WASF3: variants seen among roughly 807,000 people sequenced by gnomAD.
WASF3 encodes actin-binding protein WASF3.
A neutral mutation model predicts 46.6 loss-of-function variants in WASF3; 11 were observed. The observed-to-expected ratio is 0.24, with a 90% confidence interval of 0.15 to 0.39. The LOEUF is 0.39. Ranked by LOEUF, WASF3 falls within the 10% of genes least tolerant of loss-of-function variation. The pLI is 1.00. For synonymous variants in WASF3, 242 were observed against 259.7 expected (o/e 0.93, Z 0.65); for missense variants, 576 against 669.8 (o/e 0.86, Z 1.55).
chr13:26,644,328 G>A (rs1159267588), intron 3 of WASF3, among the ~76,000 whole-genome samples: 1 of 152,210 alleles, frequency 6.6e-6, no homozygotes, highest in Non-Finnish European at 1.5e-5. Context: ...GTTATTTTAA[G>A]CTGTTATGTT....
Position 26,577,506 on chromosome 13 carries a change from A to G in WASF3, c.-109+19687A>G, listed in dbSNP as rs1419520864. 3 of 1,273,356 alleles carry G rather than the reference A, an allele frequency of 2.4e-6. No homozygotes were observed. The South Asian group carries it at 3.6e-5, about 15-fold the overall frequency. The allele number at this position is 1,273,356 out of a possible 1,614,324, so 78.9% of individuals were successfully genotyped here. Reference sequence around the variant, plus strand: ...ACTTGCCAATCCATTTATCCTCTCCATGATGTCTTCGTTAGAAAAGTAAAA... The same window carrying G: ...ACTTGCCAATCCATTTATCCTCTCCGTGATGTCTTCGTTAGAAAAGTAAAA... On this transcript the variant is annotated intron_variant, in intron 1 of 9. Coordinates refer to ENST00000335327, the MANE Select transcript of WASF3 (RefSeq NM_006646.6).
chr13:26,607,654 CA>C (rs1276032746), intron 1 of WASF3, among the ~76,000 whole-genome samples: 1 of 149,976 alleles, frequency 6.7e-6, no homozygotes, highest in Admixed American at 6.6e-5. Flanking sequence ...TTTTTTGAAA[CA>C]GGGTCTTGCT....
At chr13:26,582,118 A>G (rs959484707) in intron 1 of WASF3, among the ~76,000 whole-genome samples, 5 of 152,182 alleles carry the variant, frequency 3.3e-5, no homozygotes, top group Non-Finnish European at 5.9e-5. Context: ...TTCACTTCCA[A>G]TAAATGTTAT....
At chr13:26,646,556 C>T (rs1366917922) in intron 3 of WASF3, among the ~76,000 whole-genome samples, 1 of 152,182 alleles carries the variant, frequency 6.6e-6, no homozygotes, top group Non-Finnish European at 1.5e-5. Flanking sequence ...CCCTTACCTC[C>T]ACTCCCCACA....
intron 2 of WASF3, among the ~76,000 whole-genome samples, chr13:26,614,148 A>G (rs994894256): frequency 6.6e-6 from 1 of 152,232 alleles, no homozygotes; most frequent in African/African-American, 2.4e-5. Flanking sequence ...GAAAGAGAAC[A>G]TAAGGTAGAA....
chr13:26,606,356 G>C (rs867624810), intron 1 of WASF3, among the ~76,000 whole-genome samples: 2 of 121,838 alleles, frequency 1.6e-5, no homozygotes, highest in East Asian at 3.2e-4. Flanking sequence ...GTGTGTGTGT[G>C]TGTGTGTGTC....
At position 26,687,362 on chromosome 13, in the gene WASF3, G is replaced by A. The variant is rs1269152199; in HGVS notation, c.*1517G>A. 3.3e-5 allele frequency: 5 copies of A among 152,252 alleles called. No individual in the cohort carries two copies. The allele number at this position is 152,252 out of a possible 1,614,324, so 9.4% of individuals were successfully genotyped here. On this transcript the variant is annotated 3_prime_UTR_variant, in exon 10 of 10. Transcript: ENST00000335327. ...ATGTTTGAGGTGACGGTAGGAATGT[G>A]AGCAGGATGGTGATGGGGGTTTTTG...
At chr13:26,545,756 C>T in the WASF3 span, among the ~76,000 whole-genome samples, 3 of 152,132 alleles carry the variant, frequency 2.0e-5, no homozygotes, top group Admixed American at 6.5e-5. Flanking sequence ...AGGTGCATCA[C>T]CACATGCAGT....
chr13:26,565,739 T>G (rs549305), intron 1 of WASF3, among the ~76,000 whole-genome samples: 125,173 of 152,180 alleles, frequency 0.82, 51,509 homozygotes, highest in East Asian at 0.9. Context: ...GGGAGGAAGA[T>G]TATTAAAAGG....
At chr13:26,550,685 G>A in the WASF3 span, among the ~76,000 whole-genome samples, 7 of 152,162 alleles carry the variant, frequency 4.6e-5, no homozygotes, top group Non-Finnish European at 8.8e-5. Context: ...ATTAAGGCCT[G>A]TGCATATCTT....
At chr13:26,652,219 A>T (rs189091909) in intron 3 of WASF3, among the ~76,000 whole-genome samples, 2 of 152,238 alleles carry the variant, frequency 1.3e-5, no homozygotes, top group African/African-American at 2.4e-5. Flanking sequence ...CCCTGCAAAC[A>T]CAAGTTATAA....
chr13:26,612,284 T>A (rs1881003289), intron 1 of WASF3, among the ~76,000 whole-genome samples: 2 of 152,244 alleles, frequency 1.3e-5, no homozygotes, highest in South Asian at 4.1e-4. Context: ...TAAAATTTTC[T>A]TGTATGTATT....
At chr13:26,561,250 G>T (rs1330317121) in intron 1 of WASF3, among the ~76,000 whole-genome samples, 1 of 152,158 alleles carries the variant, frequency 6.6e-6, no homozygotes, top group Non-Finnish European at 1.5e-5. Context: ...GCCCTTTGGA[G>T]AATGGATTAG....
intron 5 of WASF3, among the ~76,000 whole-genome samples, chr13:26,669,963 C>T (rs182094205): frequency 6.6e-6 from 1 of 152,262 alleles, no homozygotes; most frequent in Admixed American, 6.5e-5. Context: ...CCTCAAGGAT[C>T]TAGAACTAGA....
chr13:26,601,869 T>C (rs770522043), intron 1 of WASF3, among the ~76,000 whole-genome samples: 3 of 152,226 alleles, frequency 2.0e-5, no homozygotes, highest in Admixed American at 6.5e-5. Flanking sequence ...CATACACAAA[T>C]GCAAAGATAT....
At chr13:26,631,992 G>C (rs150581154) in intron 2 of WASF3, among the ~76,000 whole-genome samples, 1 of 152,120 alleles carries the variant, frequency 6.6e-6, no homozygotes, top group African/African-American at 2.4e-5. Flanking sequence ...TTGGTGTATA[G>C]GAATGCTTGT....
Position 26,577,472 on chromosome 13 carries a change from A to T in WASF3, c.-109+19653A>T. On this transcript the variant is annotated intron_variant, in intron 1 of 9. Transcript: ENST00000335327. Reference sequence around the variant, plus strand: ...GATTCCAGACAGCATTGGAAAAGACATAGAAAAGACTTGCCAATCCATTTA... The same window carrying T: ...GATTCCAGACAGCATTGGAAAAGACTTAGAAAAGACTTGCCAATCCATTTA... 6 of 952,744 alleles carry T rather than the reference A, an allele frequency of 6.3e-6. No individual in the cohort carries two copies. In the Admixed American group the frequency reaches 1.0e-4, roughly 16 times the overall value. 59.0% of individuals were successfully genotyped at this position (952,744 alleles called of 1,614,324 possible). A position where few individuals can be genotyped will look rare whatever the true frequency, so the allele number is the denominator to read the frequency against.
chr13:26,545,623 A>G, the WASF3 span, among the ~76,000 whole-genome samples: 3 of 152,146 alleles, frequency 2.0e-5, no homozygotes, highest in African/African-American at 7.2e-5. Context: ...TAATTTTTTT[A>G]GAGACATGGC....
At position 26,642,429 on chromosome 13, in the gene WASF3, A is replaced by G. The variant is rs1315220168; in HGVS notation, c.133+26A>G. On this transcript the variant is annotated intron_variant, in intron 3 of 9. Transcript: ENST00000335327. Reference sequence around the variant, plus strand: ...GTAAGCCATCTTTTTTCTGATTACCAATGACATTAACTTTTTGTTAGCAAA... The same window carrying G: ...GTAAGCCATCTTTTTTCTGATTACCGATGACATTAACTTTTTGTTAGCAAA... 3.8e-6 allele frequency: 6 copies of G among 1,564,100 alleles called. No homozygotes were observed. The Admixed American group carries it at 6.4e-5, about 17-fold the overall frequency.
Sources: gnomAD v4.1 joint callset for allele counts (sites outside exome capture counted in the v4.1 genomes callset) on GRCh38, gnomAD v4.1.1 for gene constraint, MANE v1.5 for transcripts, NCBI Gene and HGNC (gene_info 2026-07-23, HGNC 2026-07-21) for gene names.